The following ALG14 variants were observed in gnomAD, a reference collection of about 807,000 sequenced individuals.
The protein encoded by ALG14 is ALG14 UDP-N-acetylglucosaminyltransferase subunit.
ALG14 carries 17 observed loss-of-function variants against 22.8 expected under a neutral mutation model. The ratio of observed to expected loss-of-function variants is 0.75; its 90% CI spans 0.51 to 1.12. ALG14 has a LOEUF of 1.12. Among genes scored for constraint, ALG14 ranks in the 50% most tolerant of loss-of-function variants. The pLI is 0.00. For synonymous variants in ALG14, 89 were observed against 103.7 expected, an observed-to-expected ratio of 0.86 and a Z score of 0.86; for missense variants, 288 against 271.8, an observed-to-expected ratio of 1.06 and a Z score of -0.42.
intron 2 of ALG14, among the ~76,000 whole-genome samples, chr1:95,055,933 C>G (rs1674916197): frequency 6.7e-6 from 1 of 149,338 alleles, no homozygotes; most frequent in Admixed American, 6.7e-5. Context: ...TGGCATGAAC[C>G]CAGGAGGCAG....
At chr1:95,061,028 G>A (rs182602588) in intron 2 of ALG14, among the ~76,000 whole-genome samples, 2 of 152,192 alleles carry the variant, frequency 1.3e-5, no homozygotes, top group Admixed American at 6.5e-5. Flanking sequence ...GGTGGAAGCC[G>A]AGATTAGAGT....
intron 3 of ALG14, among the ~76,000 whole-genome samples, chr1:94,994,503 A>AT (rs1425217388): frequency 2.0e-5 from 3 of 152,212 alleles, no homozygotes; most frequent in Non-Finnish European, 4.4e-5. Context: ...TACATGTGGC[A>AT]TTTTGCAAAA....
chr1:95,010,496 A>T (rs1673332911), intron 3 of ALG14, among the ~76,000 whole-genome samples: 1 of 152,214 alleles, frequency 6.6e-6, no homozygotes, highest in Non-Finnish European at 1.5e-5. Flanking sequence ...TATTACACTC[A>T]CTAAAGTATA....
intron 2 of ALG14, among the ~76,000 whole-genome samples, chr1:95,039,855 T>C (rs1206549634): frequency 1.3e-5 from 2 of 152,046 alleles, no homozygotes; most frequent in Non-Finnish European, 2.9e-5. Context: ...CGCTTGACGT[T>C]GACAAGTCAG....
chr1:94,986,145 A>C (rs182081151), intron 3 of ALG14, among the ~76,000 whole-genome samples: 44 of 152,334 alleles, frequency 2.9e-4, no homozygotes, highest in Middle Eastern at 6.8e-3. Flanking sequence ...ATTTTAAAAA[A>C]CACAGAAATA....
rs1197553553 is a variant in ALG14, at chr1:94,996,273, T to C, written c.421-12967A>G. Among the ~76,000 whole-genome samples the C allele has an allele frequency of 5.3e-5, 8 of 151,992 alleles. No individual in the cohort carries two copies. In the East Asian group the frequency reaches 1.2e-3, roughly 22 times the overall value. On this transcript the variant is annotated intron_variant, in intron 3 of 3. Transcript: ENST00000370205. The stretch of plus-strand genomic sequence containing the variant: ...AGGTGATTCTGGTGCACACTGGAGA[T>C]TGGGGACCTCTGCTCTACACTATAG...
At chr1:95,048,172 T>C (rs1674622542) in intron 2 of ALG14, among the ~76,000 whole-genome samples, 1 of 152,106 alleles carries the variant, frequency 6.6e-6, no homozygotes, top group African/African-American at 2.4e-5. Context: ...AATTAGCAAA[T>C]AAATAATGTT....
intron 3 of ALG14, among the ~76,000 whole-genome samples, chr1:95,008,507 T>C (rs1212775863): frequency 6.6e-6 from 1 of 152,190 alleles, no homozygotes; most frequent in Non-Finnish European, 1.5e-5. Flanking sequence ...AATACAATTT[T>C]TATAAGGTTA....
At chr1:95,060,965 T>C (rs1675126247) in intron 2 of ALG14, among the ~76,000 whole-genome samples, 1 of 152,118 alleles carries the variant, frequency 6.6e-6, no homozygotes, top group Non-Finnish European at 1.5e-5. Flanking sequence ...ATCCAACCGG[T>C]ATCCTCATAA....
intron 2 of ALG14, chr1:95,062,070 A>G (rs2100835534): frequency 6.6e-6 from 1 of 152,326 alleles, no homozygotes. Context: ...AGGCAGACAC[A>G]AGTATGATTT....
chr1:94,984,395 G>A (rs763447310), intron 3 of ALG14, among the ~76,000 whole-genome samples: 2 of 152,184 alleles, frequency 1.3e-5, no homozygotes, highest in African/African-American at 2.4e-5. Flanking sequence ...GACAGAAAGA[G>A]AGCCATCTTG....
At chr1:95,036,490 G>A (rs1328237468) in intron 2 of ALG14, among the ~76,000 whole-genome samples, 5 of 134,280 alleles carry the variant, frequency 3.7e-5, no homozygotes, top group African/African-American at 5.9e-5. Context: ...GCAGTGGTGC[G>A]ATCTCGGCTC....
At chr1:95,030,207 C>T (rs1380703224) in intron 2 of ALG14, among the ~76,000 whole-genome samples, 1 of 152,048 alleles carries the variant, frequency 6.6e-6, no homozygotes, top group Non-Finnish European at 1.5e-5. Flanking sequence ...AATATCTCTG[C>T]AACAATACAT....
rs1331312173 is a variant in ALG14, at chr1:94,975,836, T to C, written c.*7240A>G. On this transcript the variant is annotated 3_prime_UTR_variant, in exon 4 of 4. Coordinates refer to ENST00000370205, the MANE Select transcript of ALG14 (RefSeq NM_144988.4). ...TAACACAGTGAAACCCTGTCTCTAC[T>C]AAAAATACAAAAAAAACAAACAAAA... is the stretch of plus-strand genomic sequence containing the variant. 6.7e-6 allele frequency: 1 copy of C among 148,530 alleles called. No individual in the cohort carries two copies. Among genetic ancestry groups the C allele is most frequent in the African/African-American group, 2.5e-5 (1 of 39,866 alleles). 9.2% of individuals were successfully genotyped at this position (148,530 alleles called of 1,614,324 possible). A position where few individuals can be genotyped will look rare whatever the true frequency, so the allele number is the denominator to read the frequency against.
chr1:95,051,361 T>C (rs1303622983), intron 2 of ALG14, among the ~76,000 whole-genome samples: 1 of 152,180 alleles, frequency 6.6e-6, no homozygotes, highest in Non-Finnish European at 1.5e-5. Flanking sequence ...CTTCAAAATA[T>C]ATTGAGAATC....
chr1:94,984,613 C>G (rs1000629769), intron 3 of ALG14, among the ~76,000 whole-genome samples: 1 of 152,210 alleles, frequency 6.6e-6, no homozygotes, highest in Non-Finnish European at 1.5e-5. Flanking sequence ...GAGAATTTGT[C>G]TTCAGACTTT....
chr1:95,018,096 C>G (rs921201591), intron 3 of ALG14, among the ~76,000 whole-genome samples: 28 of 152,248 alleles, frequency 1.8e-4, no homozygotes, highest in African/African-American at 6.3e-4. Flanking sequence ...AAGCCAAAAC[C>G]TCCTGATTTG....
chr1:95,011,652 T>A (rs1488942033), intron 3 of ALG14, among the ~76,000 whole-genome samples: 2 of 152,134 alleles, frequency 1.3e-5, no homozygotes, highest in Admixed American at 6.5e-5. Context: ...CCTGACCTTG[T>A]GATCTGCCCA....
chr1:95,025,694 C>G (rs7544619), intron 3 of ALG14, among the ~76,000 whole-genome samples: 149,869 of 152,362 alleles, frequency 0.98, 73,725 homozygotes, highest in Middle Eastern at 1. Flanking sequence ...TTATGCTATG[C>G]AGATGGCTTC....
Sources: gnomAD v4.1 joint callset for allele counts (sites outside exome capture counted in the v4.1 genomes callset) on GRCh38, gnomAD v4.1.1 for gene constraint, MANE v1.5 for transcripts, NCBI Gene and HGNC (gene_info 2026-07-23, HGNC 2026-07-21) for gene names.